AGBL1: variants seen among roughly 807,000 people sequenced by gnomAD.
AGBL1 encodes the protein cytosolic carboxypeptidase 4.
A neutral mutation model predicts 118.9 loss-of-function variants in AGBL1; 130 were observed. That is an observed-to-expected ratio of 1.09 (90% CI 0.95 to 1.26). The LOEUF (loss-of-function observed/expected upper bound fraction) is 1.26, where lower values mean the gene tolerates loss of function less well. Ranked by LOEUF, AGBL1 falls within the 50% of genes most tolerant of loss-of-function variation. The pLI, the probability that AGBL1 is intolerant of heterozygous loss-of-function variation, is 0.00. For missense variants in AGBL1, 1,584 were observed against 1,298.1 expected, an observed-to-expected ratio of 1.22 and a Z score of -3.38; for synonymous variants, 555 against 478.9, an observed-to-expected ratio of 1.16 and a Z score of -2.08.
chr15:87,013,393 C>A (rs778507971), intron 24 of AGBL1, among the ~76,000 whole-genome samples: 1 of 152,146 alleles, frequency 6.6e-6, no homozygotes, highest in African/African-American at 2.4e-5. Context: ...TGTGTGCTCA[C>A]TGGGGTCCTG....
At chr15:86,714,273 C>A (rs368767145) in intron 22 of AGBL1, among the ~76,000 whole-genome samples, 1 of 152,210 alleles carries the variant, frequency 6.6e-6, no homozygotes, top group African/African-American at 2.4e-5. Flanking sequence ...TAAAGGAGTT[C>A]AAGGCTCAGG....
At chr15:86,400,028 T>C (rs2081421756) in intron 18 of AGBL1, among the ~76,000 whole-genome samples, 1 of 152,158 alleles carries the variant, frequency 6.6e-6, no homozygotes, top group Admixed American at 6.6e-5. Flanking sequence ...AACTTGAGAC[T>C]GCCTGAATGG....
At chr15:86,784,201 C>G (rs1009019665) in intron 22 of AGBL1, among the ~76,000 whole-genome samples, 2 of 152,086 alleles carry the variant, frequency 1.3e-5, no homozygotes, top group South Asian at 4.1e-4. Context: ...ATCATAAGCT[C>G]TTAGTGCCAT....
At chr15:86,473,368 A>G (rs191217241) in intron 18 of AGBL1, among the ~76,000 whole-genome samples, 75 of 152,320 alleles carry the variant, frequency 4.9e-4, no homozygotes, top group Non-Finnish European at 9.3e-4. Context: ...ATTTTTCTCT[A>G]TTGATCTTTT....
intron 22 of AGBL1, among the ~76,000 whole-genome samples, chr15:86,764,988 A>T (rs977916206): frequency 3.3e-5 from 5 of 151,954 alleles, no homozygotes; most frequent in African/African-American, 9.7e-5. Context: ...TTGCAGGTGG[A>T]TAGATAGGCA....
chr15:86,090,335 T>G (rs1895938755), intron 1 of AGBL1, among the ~76,000 whole-genome samples: 1 of 152,208 alleles, frequency 6.6e-6, no homozygotes, highest in Non-Finnish European at 1.5e-5. Flanking sequence ...AATTAATATG[T>G]AGATGTAAAT....
intron 22 of AGBL1, among the ~76,000 whole-genome samples, chr15:86,704,546 T>C (rs2086415044): frequency 6.6e-6 from 1 of 152,196 alleles, no homozygotes; most frequent in Admixed American, 6.5e-5. Context: ...TCATCATCAC[T>C]GGTCATTAGA....
chr15:86,551,984 G>A (rs1207100734), intron 20 of AGBL1, among the ~76,000 whole-genome samples: 1 of 152,088 alleles, frequency 6.6e-6, no homozygotes, highest in African/African-American at 2.4e-5. Context: ...TTGGAAGGAA[G>A]GAAGGAAAAA....
intron 22 of AGBL1, among the ~76,000 whole-genome samples, chr15:86,769,383 G>T (rs892524262): frequency 1.3e-5 from 2 of 151,888 alleles, no homozygotes; most frequent in Admixed American, 1.3e-4. Flanking sequence ...CCTTATATAA[G>T]TATTCTTAAT....
At chr15:86,479,759 C>T (rs1181390284) in intron 18 of AGBL1, among the ~76,000 whole-genome samples, 1 of 152,184 alleles carries the variant, frequency 6.6e-6, no homozygotes, top group Non-Finnish European at 1.5e-5. Context: ...GATTATAAAT[C>T]ATGCTGCTAT....
At chr15:86,324,334 G>A (rs1293950968) in intron 17 of AGBL1, among the ~76,000 whole-genome samples, 1 of 152,144 alleles carries the variant, frequency 6.6e-6, no homozygotes, top group Non-Finnish European at 1.5e-5. Context: ...AGACTTAAAA[G>A]AGCAAATGAT....
At chr15:86,090,870 T>C (rs1387684436) in intron 1 of AGBL1, among the ~76,000 whole-genome samples, 1 of 152,218 alleles carries the variant, frequency 6.6e-6, no homozygotes, top group East Asian at 1.9e-4. Context: ...GCCATACTAC[T>C]ATTCACTTGC....
intron 21 of AGBL1, among the ~76,000 whole-genome samples, chr15:86,660,984 A>C (rs1312056639): frequency 6.6e-6 from 1 of 152,164 alleles, no homozygotes; most frequent in Admixed American, 6.6e-5. Context: ...AGGTAATGTA[A>C]ATTCAGGGAC....
At chr15:86,811,016 C>T (rs759831543) in intron 22 of AGBL1, among the ~76,000 whole-genome samples, 6 of 152,172 alleles carry the variant, frequency 3.9e-5, no homozygotes, top group East Asian at 1.9e-4. Context: ...TTATTGTTTG[C>T]GAAGCAGATG....
chr15:86,963,796 C>T (rs1277214208), intron 23 of AGBL1, among the ~76,000 whole-genome samples: 1 of 151,898 alleles, frequency 6.6e-6, no homozygotes, highest in East Asian at 1.9e-4. Context: ...CAATGGTCCT[C>T]TGAAGGCAGT....
At chr15:86,185,955 T>C (rs535369332) in intron 5 of AGBL1, among the ~76,000 whole-genome samples, 1 of 152,138 alleles carries the variant, frequency 6.6e-6, no homozygotes, top group Admixed American at 6.6e-5. Context: ...AAAATAAAAA[T>C]TTTTTTTCTC....
chr15:86,178,972 A>G (rs1260282232), intron 5 of AGBL1, among the ~76,000 whole-genome samples: 36 of 152,254 alleles, frequency 2.4e-4, no homozygotes, highest in Non-Finnish European at 8.8e-5. Flanking sequence ...GGCTTTTCCC[A>G]GACAAAGCAT....
rs558265068 is a variant in AGBL1 at position 86,285,597 on chromosome 15, G to A, written c.2220+5814G>A. On this transcript the variant is annotated intron_variant, in intron 16 of 22. Transcript: ENST00000614907. ...GTGATTGCGAGGCCTCTCCAGCCAC[G>A]TGGAACTGTGAGTCGATTAAACCTC... Among the ~76,000 whole-genome samples, 7 of 152,202 alleles carry A rather than the reference G, an allele frequency of 4.6e-5. No homozygotes were observed. In the South Asian group the frequency reaches 6.2e-4, roughly 14 times the overall value.
intron 18 of AGBL1, among the ~76,000 whole-genome samples, chr15:86,500,176 G>A (rs942537514): frequency 2.0e-5 from 3 of 151,864 alleles, no homozygotes; most frequent in Admixed American, 6.6e-5. Flanking sequence ...GGACTTGAGA[G>A]CTTTATGAGG....
Sources: gnomAD v4.1 joint callset for allele counts (sites outside exome capture counted in the v4.1 genomes callset) on GRCh38, gnomAD v4.1.1 for gene constraint, MANE v1.5 for transcripts, NCBI Gene and HGNC (gene_info 2026-07-23, HGNC 2026-07-21) for gene names.